IL12RB2: variants seen among roughly 807,000 people sequenced by gnomAD.
IL12RB2 encodes the protein interleukin 12 receptor subunit beta 2, also known as interleukin-12 receptor subunit beta-2.
IL12RB2 carries 82 observed loss-of-function variants against 89.4 expected under a neutral mutation model. That is an observed-to-expected ratio of 0.92 (90% CI 0.77 to 1.10). The LOEUF (loss-of-function observed/expected upper bound fraction) is 1.10. Among genes scored for constraint, IL12RB2 ranks in the 50% least tolerant of loss-of-function variants. The pLI, the probability that IL12RB2 is intolerant of heterozygous loss-of-function variation, is 0.00. For missense variants in IL12RB2, 963 were observed against 1,031.9 expected (o/e 0.93, Z 0.92); for synonymous variants, 368 against 370.1 (o/e 0.99, Z 0.07).
intron 15 of IL12RB2, among the ~76,000 whole-genome samples, chr1:67,389,459 T>G (rs11209063): frequency 0.19 from 29,322 of 152,246 alleles, 3,390 homozygotes; most frequent in African/African-American, 0.3. Context: ...GATTTTTCCT[T>G]CTACATCATA....
intron 1 of IL12RB2, among the ~76,000 whole-genome samples, chr1:67,313,397 A>T (rs1159203409): frequency 6.6e-6 from 1 of 152,184 alleles, no homozygotes; most frequent in African/African-American, 2.4e-5. Context: ...CGTGCCTGAA[A>T]CATAGTAAGA....
At chr1:67,381,060 G>A (rs1470417015) in intron 14 of IL12RB2, among the ~76,000 whole-genome samples, 2 of 152,016 alleles carry the variant, frequency 1.3e-5, no homozygotes, top group South Asian at 2.1e-4. Context: ...AAAATTACAT[G>A]GTTATACCTA....
chr1:67,318,445 C>T (rs1656070538), intron 2 of IL12RB2, among the ~76,000 whole-genome samples: 3 of 151,966 alleles, frequency 2.0e-5, no homozygotes, highest in Admixed American at 2.0e-4. Context: ...ATGTTGACGG[C>T]TAGAATAGAC....
chr1:67,361,176 T>A (rs1662003587), intron 10 of IL12RB2, among the ~76,000 whole-genome samples: 1 of 152,170 alleles, frequency 6.6e-6, no homozygotes, highest in Non-Finnish European at 1.5e-5. Flanking sequence ...TCTACCACAT[T>A]ACTAAAAGCC....
intron 16 of IL12RB2, among the ~76,000 whole-genome samples, chr1:67,390,455 CTTTTTTTTTT>C (rs67532605): frequency 9.3e-6 from 1 of 107,524 alleles, no homozygotes; most frequent in Admixed American, 1.1e-4. Flanking sequence ...GCAAACTTTC[CTTTTTTTTTT>C]TTTTTTTTTT....
chr1:67,383,471 A>G (rs111956909), intron 14 of IL12RB2, among the ~76,000 whole-genome samples: 7,044 of 152,314 alleles, frequency 0.046, 224 homozygotes, highest in Admixed American at 0.069. Flanking sequence ...AGGCCATTCC[A>G]GTAATAGCCC....
At chr1:67,393,599 C>A (rs553455417) in intron 16 of IL12RB2, among the ~76,000 whole-genome samples, 2 of 152,190 alleles carry the variant, frequency 1.3e-5, no homozygotes, top group Non-Finnish European at 2.9e-5. Context: ...AGCAGTCTCC[C>A]CGAAGTGAAA....
Position 67,397,417 on chromosome 1 carries a change from A to AC in IL12RB2, c.*1330dup, listed in dbSNP as rs1339411611. ...GGCTGTCTCAGGGTCTAAGACCCCA[A>AC]CCTCTGAGGTTGTCCTCAGAAGTGG... On this transcript the variant is annotated 3_prime_UTR_variant, in exon 17 of 17. Transcript: ENST00000674203. 1.2e-4 allele frequency among the ~76,000 whole-genome samples: 19 copies of AC among 152,246 alleles called. 1 individual carries two copies. In the South Asian group the frequency reaches 3.5e-3, roughly 28 times the overall value.
intron 2 of IL12RB2, among the ~76,000 whole-genome samples, chr1:67,320,010 C>T (rs572976944): frequency 6.6e-6 from 1 of 152,128 alleles, no homozygotes; most frequent in Non-Finnish European, 1.5e-5. Context: ...ACTTGCCAGT[C>T]CCCAGAACTG....
At chr1:67,381,765 C>CAAAAAAAA (rs61066016) in intron 14 of IL12RB2, among the ~76,000 whole-genome samples, 2 of 123,628 alleles carry the variant, frequency 1.6e-5, no homozygotes, top group African/African-American at 3.2e-5. Flanking sequence ...GACTATGTTT[C>CAAAAAAAA]AAAAAAAAAA....
At chr1:67,328,170 T>C in intron 5 of IL12RB2, 30 bp from the exon 6 acceptor site, 2 of 1,432,540 alleles carry the variant, frequency 1.4e-6, no homozygotes, top group Admixed American at 1.7e-5. Flanking sequence ...ATAAAACATG[T>C]TGCTACACGT....
intron 16 of IL12RB2, among the ~76,000 whole-genome samples, chr1:67,392,835 A>G (rs1033722443): frequency 2.0e-5 from 3 of 151,858 alleles, no homozygotes; most frequent in Non-Finnish European, 4.4e-5. Context: ...GGGTTTCACC[A>G]TGTTGGCCAG....
At position 67,372,591 on chromosome 1, in the gene IL12RB2, G is replaced by C. The variant is rs189639762; in HGVS notation, c.1559-34G>C. Reference sequence around the variant, plus strand: ...TTTAGTTTAATGATTTGGATTTGGAGGGTGACAGAAGCCTCCTGTGCCCTA... The same window carrying C: ...TTTAGTTTAATGATTTGGATTTGGACGGTGACAGAAGCCTCCTGTGCCCTA... On this transcript the variant is annotated intron_variant, in intron 12 of 16. Coordinates refer to ENST00000674203, the MANE Select transcript of IL12RB2 (RefSeq NM_001374259.2). 10 of 1,611,542 alleles carry C rather than the reference G, an allele frequency of 6.2e-6. No homozygotes were observed. The Admixed American group carries it at 1.3e-4, about 21-fold the overall frequency.
At chr1:67,361,129 A>C (rs967717707) in intron 10 of IL12RB2, among the ~76,000 whole-genome samples, 6 of 152,220 alleles carry the variant, frequency 3.9e-5, no homozygotes, top group Non-Finnish European at 8.8e-5. Context: ...GGATGTAATC[A>C]TAGGGTTATA....
intron 13 of IL12RB2, among the ~76,000 whole-genome samples, chr1:67,378,589 T>A (rs1664218658): frequency 1.3e-5 from 2 of 152,124 alleles, no homozygotes; most frequent in African/African-American, 4.8e-5. Context: ...ATGTGGCTCA[T>A]GCCTGTAATT....
chr1:67,370,808 G>A (rs963117858), intron 11 of IL12RB2, among the ~76,000 whole-genome samples: 3 of 152,144 alleles, frequency 2.0e-5, no homozygotes, highest in African/African-American at 7.2e-5. Context: ...CTTGCTAGGA[G>A]GGCTCTACTC....
intron 2 of IL12RB2, among the ~76,000 whole-genome samples, chr1:67,316,421 A>AGTGTGTGTGTGTGTGTGTGTGTGT (rs71062410): frequency 3.5e-4 from 51 of 146,254 alleles, no homozygotes; most frequent in Middle Eastern, 7.0e-3. Flanking sequence ...TCCCCAGAGT[A>AGTGTGTGTGTGTGTGTGTGTGTGT]GTGTGTGTGT....
Position 67,309,705 on chromosome 1 carries a change from G to A in IL12RB2, c.-125+1738G>A, listed in dbSNP as rs1030502292. ...TGAGTTTTAGTGTGAAAAAAAATTC[G>A]AAAGCACACATGTAATTTTTAAGGT... On this transcript the variant is annotated intron_variant, in intron 1 of 16. Transcript: ENST00000674203. Among the ~76,000 whole-genome samples the A allele has an allele frequency of 2.6e-5, 4 of 152,206 alleles. No homozygotes were observed. The South Asian group carries it at 6.2e-4, about 24-fold the overall frequency.
intron 4 of IL12RB2, among the ~76,000 whole-genome samples, chr1:67,325,425 C>A (rs945730653): frequency 1.3e-5 from 2 of 152,158 alleles, no homozygotes; most frequent in African/African-American, 4.8e-5. Context: ...CCATACCCAG[C>A]TAATTTTTGT....
Sources: allele counts gnomAD v4.1 joint callset (sites outside exome capture counted in the v4.1 genomes callset), GRCh38; gene constraint gnomAD v4.1.1; transcripts MANE v1.5; gene names NCBI Gene and HGNC (gene_info 2026-07-23, HGNC 2026-07-21).